RIC1: variants seen among roughly 807,000 people sequenced by gnomAD.
RIC1 encodes the protein guanine nucleotide exchange factor subunit RIC1.
RIC1 carries 88 observed loss-of-function variants against 169.0 expected under a neutral mutation model. The ratio of observed to expected loss-of-function variants is 0.52; its 90% CI spans 0.44 to 0.62. RIC1 has a LOEUF of 0.62. RIC1 is among the 20% of genes least tolerant of loss of function. The probability of loss-of-function intolerance (pLI) is 0.00; values close to 1 mark genes in which losing one functional copy is unlikely to be tolerated. For synonymous variants in RIC1, 790 were observed against 601.5 expected (o/e 1.31, Z -4.59); for missense variants, 1,877 against 1,725.5 (o/e 1.09, Z -1.56).
chr9:5,642,346 G>A (rs948789388), intron 1 of RIC1, among the ~76,000 whole-genome samples: 4 of 143,550 alleles, frequency 2.8e-5, no homozygotes, highest in Non-Finnish European at 4.5e-5. Context: ...TAGACCTGAA[G>A]CCAGCAGAGC....
chr9:5,743,159 A>G (rs1825179605), intron 9 of RIC1, 146 bp downstream of exon 9: 1 of 677,006 alleles, frequency 1.5e-6, no homozygotes, highest in Admixed American at 3.2e-5. Context: ...GTTCGAATAT[A>G]CTGATTCTCT....
At chr9:5,719,563 A>G (rs1256228818) in intron 4 of RIC1, 1 of 152,300 alleles carries the variant, frequency 6.6e-6, no homozygotes, top group Non-Finnish European at 1.5e-5. Flanking sequence ...ACTTGCTAAT[A>G]CCTAAGAAAT....
intron 2 of RIC1, among the ~76,000 whole-genome samples, chr9:5,673,127 C>T (rs750162754): frequency 5.9e-5 from 9 of 151,932 alleles, no homozygotes; most frequent in Non-Finnish European, 1.2e-4. Context: ...GAAAATGAAA[C>T]GTGATGACCA....
intron 2 of RIC1, among the ~76,000 whole-genome samples, chr9:5,677,458 A>G (rs1159317381): frequency 6.6e-6 from 1 of 152,150 alleles, no homozygotes; most frequent in Non-Finnish European, 1.5e-5. Context: ...TCCCTTCTAC[A>G]CAGCATATCT....
intron 21 of RIC1, 46 bp from the exon 22 acceptor site, chr9:5,768,921 ATCC>A: frequency 6.5e-7 from 1 of 1,546,690 alleles, no homozygotes; most frequent in Non-Finnish European, 8.7e-7. Context: ...AGGATGTGAA[ATCC>A]TCCAGTAAAG....
At chr9:5,683,364 A>C (rs1328277547) in intron 2 of RIC1, among the ~76,000 whole-genome samples, 2 of 152,210 alleles carry the variant, frequency 1.3e-5, no homozygotes, top group African/African-American at 4.8e-5. Context: ...TCCCTCTAAC[A>C]GTCAGGACCC....
chr9:5,687,387 A>G (rs10815271), intron 2 of RIC1, among the ~76,000 whole-genome samples: 44,805 of 151,854 alleles, frequency 0.3, 7,725 homozygotes, highest in East Asian at 0.61. Context: ...CTTGCTTTGG[A>G]TTTCGTTTGC....
chr9:5,655,755 C>T (rs1451867194), intron 1 of RIC1, among the ~76,000 whole-genome samples: 3 of 151,836 alleles, frequency 2.0e-5, no homozygotes, highest in East Asian at 3.8e-4. Context: ...TGGGGTATAT[C>T]GTATTTGGTT....
chr9:5,694,034 C>T (rs1368261895), intron 3 of RIC1, among the ~76,000 whole-genome samples: 1 of 152,094 alleles, frequency 6.6e-6, no homozygotes, highest in Non-Finnish European at 1.5e-5. Flanking sequence ...TTCTCCTCTT[C>T]CCCCTCCACC....
At chr9:5,704,344 G>T (rs1822426346) in intron 3 of RIC1, among the ~76,000 whole-genome samples, 1 of 151,876 alleles carries the variant, frequency 6.6e-6, no homozygotes, top group Non-Finnish European at 1.5e-5. Flanking sequence ...CAGAGTAGCT[G>T]GGACTACAGG....
At chr9:5,758,893 C>T (rs552133681) in intron 17 of RIC1, among the ~76,000 whole-genome samples, 26 of 151,944 alleles carry the variant, frequency 1.7e-4, no homozygotes, top group Non-Finnish European at 2.9e-4. Context: ...TGCAGGTGCA[C>T]GCCACCACGC....
At chr9:5,668,184 C>T (rs760489752) in intron 2 of RIC1, among the ~76,000 whole-genome samples, 5 of 152,030 alleles carry the variant, frequency 3.3e-5, no homozygotes, top group Admixed American at 1.3e-4. Context: ...ACGAGAACAC[C>T]GTGAGGGTAC....
chr9:5,688,583 C>G (rs935140699), intron 2 of RIC1, among the ~76,000 whole-genome samples: 2 of 152,100 alleles, frequency 1.3e-5, no homozygotes, highest in South Asian at 2.1e-4. Flanking sequence ...ATGATCTTAT[C>G]TGAAGAATTT....
chr9:5,680,607 T>A (rs1820759790), intron 2 of RIC1, among the ~76,000 whole-genome samples: 1 of 152,166 alleles, frequency 6.6e-6, no homozygotes, highest in Admixed American at 6.5e-5. Context: ...ACTTATCCAT[T>A]TCTTCTAGAT....
chr9:5,630,074 G>C (rs539735947), intron 1 of RIC1, among the ~76,000 whole-genome samples: 1 of 152,190 alleles, frequency 6.6e-6, no homozygotes, highest in Non-Finnish European at 1.5e-5. Flanking sequence ...CGGAATAGGG[G>C]GTTAAAGGAG....
At chr9:5,757,150 C>G (rs1198567873) in intron 16 of RIC1, among the ~76,000 whole-genome samples, 163 bp from the exon 17 acceptor site, 1 of 152,144 alleles carries the variant, frequency 6.6e-6, no homozygotes, top group Non-Finnish European at 1.5e-5. Flanking sequence ...TTCCCCTCAA[C>G]CTTGCCAACT....
chr9:5,644,868 A>G lies in RIC1; in HGVS notation c.145-11715A>G, dbSNP rs758736105. On this transcript the variant is annotated intron_variant, in intron 1 of 25. Transcript: ENST00000414202. Reference sequence around the variant, plus strand: ...TCCAAAGTGACTGTAGCATTTTACAACCCCACCAATAATGTATGGAAGTTT... The same window carrying G: ...TCCAAAGTGACTGTAGCATTTTACAGCCCCACCAATAATGTATGGAAGTTT... Among the ~76,000 whole-genome samples the G allele has an allele frequency of 1.8e-4, 27 of 152,246 alleles. 1 individual carries two copies. Among genetic ancestry groups the G allele is most frequent in the Non-Finnish European group, 2.9e-4 (20 of 68,008 alleles).
chr9:5,635,214 A>C (rs1817913808), intron 1 of RIC1, among the ~76,000 whole-genome samples: 1 of 152,150 alleles, frequency 6.6e-6, no homozygotes. Context: ...TCCTGGACAC[A>C]AGTGATCTGC....
At chr9:5,715,010 A>G (rs1051568808) in intron 4 of RIC1, among the ~76,000 whole-genome samples, 1 of 152,234 alleles carries the variant, frequency 6.6e-6, no homozygotes, top group African/African-American at 2.4e-5. Context: ...CATTAAAACT[A>G]TGCAAGTGGC....
Sources: gnomAD v4.1 joint callset for allele counts (sites outside exome capture counted in the v4.1 genomes callset) on GRCh38, gnomAD v4.1.1 for gene constraint, MANE v1.5 for transcripts, NCBI Gene and HGNC (gene_info 2026-07-23, HGNC 2026-07-21) for gene names.